EDDM13: variants seen among roughly 807,000 people sequenced by gnomAD.
EDDM13 encodes the protein epididymal protein 13.
A neutral mutation model predicts 17.8 loss-of-function variants in EDDM13; 24 were observed. The observed-to-expected ratio is 1.35, with a 90% confidence interval of 0.98 to 1.90. The LOEUF (loss-of-function observed/expected upper bound fraction) is 1.90, where lower values mean the gene tolerates loss of function less well. Among genes scored for constraint, EDDM13 ranks in the 40% most tolerant of loss-of-function variants. The probability of loss-of-function intolerance (pLI) is 0.00; values close to 1 mark genes in which losing one functional copy is unlikely to be tolerated. For synonymous variants in EDDM13, 31 were observed against 37.5 expected (o/e 0.83, Z 0.63); for missense variants, 97 against 100.8 (o/e 0.96, Z 0.16).
rs150684613 is a variant in EDDM13 at position 56,302,025 on chromosome 19, C to T, written c.353C>T (p.Thr118Met). ...AAACCACTCCCCAAGAGGAAGAACA[C>T]GTGGAACTTCCTGAAATGCGCCTAC... ...SRKPLPKRKN[T>M]WNFLKCAYMV... Residue 118 changes from threonine to methionine, a missense_variant, in exon 13 of 15, where the codon ACG (threonine) becomes ATG (methionine). Transcript: ENST00000649256. 1.7e-3 allele frequency: 2,127 copies of T among 1,231,944 alleles called. 5 individuals carry two copies. The highest frequency in any genetic ancestry group is 6.9e-3 in the Middle Eastern group (22 of 3,210). 76.3% of individuals were successfully genotyped at this position (1,231,944 alleles called of 1,614,324 possible). A position where few individuals can be genotyped will look rare whatever the true frequency, so the allele number is the denominator to read the frequency against.
intron 1 of EDDM13, among the ~76,000 whole-genome samples, chr19:56,275,536 G>C (rs1217222218): frequency 6.6e-6 from 1 of 152,180 alleles, no homozygotes; most frequent in Non-Finnish European, 1.5e-5. Flanking sequence ...TTTGAGACCA[G>C]CCTGGGCAAC....
chr19:56,303,202 G>A (rs116163782), intron 13 of EDDM13, among the ~76,000 whole-genome samples: 2,646 of 152,260 alleles, frequency 0.017, 76 homozygotes, highest in African/African-American at 0.06. Flanking sequence ...AAGCCAGGCC[G>A]GGCACGGTGG....
At chr19:56,300,529 C>T (rs1188101764) in intron 12 of EDDM13, among the ~76,000 whole-genome samples, 4 of 152,184 alleles carry the variant, frequency 2.6e-5, no homozygotes, top group Admixed American at 6.5e-5. Flanking sequence ...GAAGATGTTT[C>T]GAGGTCCTTG....
intron 2 of EDDM13, among the ~76,000 whole-genome samples, chr19:56,277,644 A>G (rs1341069451): frequency 5.9e-5 from 9 of 152,186 alleles, no homozygotes. Flanking sequence ...AGTATCCTAC[A>G]AACCACTGAA....
Position 56,281,707 on chromosome 19 carries a change from T to C in EDDM13, c.109+9T>C, listed in dbSNP as rs2038719960. On this transcript the variant is annotated intron_variant, in intron 3 of 14. Transcript: ENST00000649256. Reference sequence around the variant, plus strand: ...GCCCCTTCCAGTCAACTGTAAGTCATATCTCCTTCTCCCTACATAAATGGG... The same window carrying C: ...GCCCCTTCCAGTCAACTGTAAGTCACATCTCCTTCTCCCTACATAAATGGG... The C allele has an allele frequency of 2.0e-6, 2 of 985,350 alleles. No individual in the cohort carries two copies. Among genetic ancestry groups the C allele is most frequent in the Non-Finnish European group, 2.4e-6 (2 of 829,858 alleles). The allele number at this position is 985,350 out of a possible 1,614,324, so 61.0% of individuals were successfully genotyped here.
intron 2 of EDDM13, among the ~76,000 whole-genome samples, chr19:56,279,876 T>C (rs1476308546): frequency 6.6e-6 from 1 of 152,142 alleles, no homozygotes; most frequent in African/African-American, 2.4e-5. Flanking sequence ...TTTATTAATA[T>C]TTCAATTAAC....
At chr19:56,301,481 A>G (rs1195040054) in intron 12 of EDDM13, among the ~76,000 whole-genome samples, 4 of 152,000 alleles carry the variant, frequency 2.6e-5, no homozygotes, top group East Asian at 1.9e-4. Flanking sequence ...TTGAATCGCT[A>G]TCTTGGTTTC....
At chr19:56,282,728 A>G (rs1427439522) in intron 4 of EDDM13, among the ~76,000 whole-genome samples, 1 of 152,066 alleles carries the variant, frequency 6.6e-6, no homozygotes, top group South Asian at 2.1e-4. Context: ...GAAACTGAGC[A>G]CTCTTTCATG....
At chr19:56,308,043 C>CT (rs879496603) in intron 14 of EDDM13, among the ~76,000 whole-genome samples, 4 of 151,420 alleles carry the variant, frequency 2.6e-5, no homozygotes, top group Non-Finnish European at 5.9e-5. Context: ...CATATTAAAC[C>CT]TTTTTTTTTG....
chr19:56,302,510 TTTCC>T (rs139329361), intron 13 of EDDM13, among the ~76,000 whole-genome samples: 9,997 of 47,890 alleles, frequency 0.21, 1,534 homozygotes, highest in African/African-American at 0.47. Flanking sequence ...TCTGCCCTTC[TTTCC>T]TTCCTCCCTC....
chr19:56,281,828 A>G, intron 3 of EDDM13, 130 bp downstream of exon 3: 3 of 375,352 alleles, frequency 8.0e-6, no homozygotes, highest in Non-Finnish European at 3.7e-6. Flanking sequence ...AGATGTCCTC[A>G]ATTCAAACAT....
intron 1 of EDDM13, among the ~76,000 whole-genome samples, chr19:56,275,337 A>G (rs539189009): frequency 1.3e-5 from 2 of 152,230 alleles, no homozygotes; most frequent in African/African-American, 4.8e-5. Flanking sequence ...ATTCATCTAC[A>G]TATATTCAAT....
At chr19:56,296,553 G>A (rs1378074281) in intron 11 of EDDM13, 191 bp downstream of exon 11, 3 of 151,994 alleles carry the variant, frequency 2.0e-5, no homozygotes, top group South Asian at 2.1e-4. Flanking sequence ...TAGCTCTCCT[G>A]TACCAAATGT....
At chr19:56,284,900 A>T (rs2038990463) in intron 5 of EDDM13, 98 bp from the exon 6 acceptor site, 3 of 492,236 alleles carry the variant, frequency 6.1e-6, no homozygotes, top group Non-Finnish European at 7.9e-6. Flanking sequence ...CTTCCTGAAG[A>T]AGAGTTTGTT....
chr19:56,277,151 AAAC>A (rs1301148831), intron 2 of EDDM13, among the ~76,000 whole-genome samples: 2 of 152,280 alleles, frequency 1.3e-5, no homozygotes, highest in East Asian at 3.9e-4. Context: ...TCAAAATGTT[AAAC>A]ACTGAGTTAC....
At chr19:56,297,373 CCTCCCTCCCTCT>C (rs1322297383) in intron 11 of EDDM13, 120 bp from the exon 12 acceptor site, 2 of 166,274 alleles carry the variant, frequency 1.2e-5, no homozygotes, top group Admixed American at 6.6e-5. Context: ...TCTTCCTCTT[CCTCCCTCCCTCT>C]CTCCCTCCCT....
At chr19:56,307,437 T>TA (rs753407601) in intron 14 of EDDM13, among the ~76,000 whole-genome samples, 3 of 152,288 alleles carry the variant, frequency 2.0e-5, no homozygotes, top group Non-Finnish European at 4.4e-5. Context: ...TCCCAATATA[T>TA]AAAAAATTCT....
chr19:56,303,262 G>A (rs575864723), intron 13 of EDDM13, among the ~76,000 whole-genome samples: 54 of 152,106 alleles, frequency 3.6e-4, no homozygotes, highest in African/African-American at 5.5e-4. Context: ...GCTGGATCAC[G>A]AGGTCAGGAG....
intron 6 of EDDM13, among the ~76,000 whole-genome samples, chr19:56,285,870 C>G (rs913587106): frequency 1.3e-5 from 2 of 152,128 alleles, no homozygotes; most frequent in East Asian, 1.9e-4. Context: ...TTGCAAATTC[C>G]TATCTGTTAA....
Sources: gnomAD v4.1 joint callset for allele counts (sites outside exome capture counted in the v4.1 genomes callset) on GRCh38, gnomAD v4.1.1 for gene constraint, MANE v1.5 for transcripts, NCBI Gene and HGNC (gene_info 2026-07-23, HGNC 2026-07-21) for gene names.